The following UROS variants were observed in gnomAD, a reference collection of about 807,000 sequenced individuals.
The protein encoded by UROS is uroporphyrinogen III synthase.
UROS carries 18 observed loss-of-function variants against 33.0 expected under a neutral mutation model. The observed-to-expected ratio is 0.55, with a 90% CI of 0.38 to 0.81. UROS has a LOEUF of 0.81. Among genes scored for constraint, UROS ranks in the 30% least tolerant of loss-of-function variants. The pLI, the probability that UROS is intolerant of heterozygous loss-of-function variation, is 0.00. For missense variants in UROS, 293 were observed against 314.9 expected, an observed-to-expected ratio of 0.93 and a Z score of 0.53; for synonymous variants, 114 against 121.1, an observed-to-expected ratio of 0.94 and a Z score of 0.38.
At position 125,806,617 on chromosome 10, in the gene UROS, T is replaced by C. The variant is rs150074649; in HGVS notation, c.394+796A>G. 3.4e-3 allele frequency among the ~76,000 whole-genome samples: 520 copies of C among 152,344 alleles called. 4 individuals carry two copies. The highest frequency in any genetic ancestry group is 0.012 in the African/African-American group (500 of 41,578). On this transcript the variant is annotated intron_variant, in intron 6 of 9. Transcript: ENST00000368797. ...CCAAAATATCCTTAACAGATGAAGT[T>C]TGCCAGCTCATGATCTCTAGGAAAG...
At chr10:125,794,642 C>T (rs1331741983) in intron 9 of UROS, among the ~76,000 whole-genome samples, 1 of 152,118 alleles carries the variant, frequency 6.6e-6, no homozygotes, top group Non-Finnish European at 1.5e-5. Context: ...AGACCATACA[C>T]ATGTCTATGA....
At chr10:125,797,942 G>T in intron 7 of UROS, 123 bp downstream of exon 7, 1 of 1,148,578 alleles carries the variant, frequency 8.7e-7, no homozygotes, top group Non-Finnish European at 1.3e-6. Flanking sequence ...TCCTGGCCTG[G>T]CTTATCCAAC....
intron 1 of UROS, among the ~76,000 whole-genome samples, chr10:125,821,160 C>G (rs1315681661): frequency 6.6e-6 from 1 of 152,204 alleles, no homozygotes; most frequent in African/African-American, 2.4e-5. Flanking sequence ...GAATTGAAAG[C>G]AGGGACTCGA....
intron 6 of UROS, among the ~76,000 whole-genome samples, chr10:125,798,872 C>T (rs953992614): frequency 1.3e-5 from 2 of 152,194 alleles, no homozygotes; most frequent in Admixed American, 1.3e-4. Flanking sequence ...CAATTTGCAA[C>T]AATACTGTCC....
At position 125,798,208 on chromosome 10, in the gene UROS, G is replaced by A. The variant is rs868038468; in HGVS notation, c.395-63C>T. ...CCAGTGCCTGTGCACAGGGGAATGG[G>A]GAGGGGCAGCTTTGGGAAGGGGGAA... On this transcript the variant is annotated intron_variant, in intron 6 of 9. Transcript: ENST00000368797. 36 of 1,565,894 alleles carry A rather than the reference G, an allele frequency of 2.3e-5. 1 individual carries two copies. The Middle Eastern group carries it at 3.9e-3, about 169-fold the overall frequency.
chr10:125,794,237 G>C, intron 9 of UROS: 1 of 691,876 alleles, frequency 1.4e-6, no homozygotes, highest in Non-Finnish European at 1.8e-6. Context: ...TGGGAGAGCG[G>C]TGCATACTCC....
intron 6 of UROS, chr10:125,802,268 G>A (rs1391477248): frequency 2.0e-6 from 2 of 985,562 alleles, no homozygotes; most frequent in African/African-American, 3.5e-5. Context: ...CCATGGGGCT[G>A]GGGCCACATG....
rs116990417 is a variant in UROS at position 125,795,030 on chromosome 10, C to A, written c.562-52G>T. 6.3e-4 allele frequency: 956 copies of A among 1,518,838 alleles called. 12 individuals are homozygous for A. The East Asian group carries it at 0.019, about 31-fold the overall frequency. The allele number at this position is 1,518,838 out of a possible 1,614,324, so 94.1% of individuals were successfully genotyped here. ...TCCTTGCCATGAGACTGAGGAGAGACAACATTCCTCCGGCTTCATCCGCAT... is the reference window on the plus strand; with the variant it reads ...TCCTTGCCATGAGACTGAGGAGAGAAAACATTCCTCCGGCTTCATCCGCAT... On this transcript the variant is annotated intron_variant, in intron 8 of 9. Coordinates refer to ENST00000368797, the MANE Select transcript of UROS (RefSeq NM_000375.3).
chr10:125,807,722 T>C (rs1178011545), intron 5 of UROS, among the ~76,000 whole-genome samples: 3 of 152,090 alleles, frequency 2.0e-5, no homozygotes, highest in African/African-American at 7.2e-5. Context: ...TTAACTAGCT[T>C]CCCTGAGCCC....
At chr10:125,800,001 C>A (rs925362794) in intron 6 of UROS, among the ~76,000 whole-genome samples, 1 of 152,166 alleles carries the variant, frequency 6.6e-6, no homozygotes, top group Non-Finnish European at 1.5e-5. Flanking sequence ...AGGCTCTGCT[C>A]TCCGTTCGTT....
At chr10:125,799,948 G>T (rs1164002550) in intron 6 of UROS, among the ~76,000 whole-genome samples, 1 of 152,164 alleles carries the variant, frequency 6.6e-6, no homozygotes, top group Non-Finnish European at 1.5e-5. Flanking sequence ...AGGCCAATGG[G>T]ATGGTTAAGG....
intron 1 of UROS, among the ~76,000 whole-genome samples, chr10:125,822,569 C>T (rs1188099681): frequency 6.6e-6 from 1 of 152,124 alleles, no homozygotes; most frequent in Non-Finnish European, 1.5e-5. Flanking sequence ...GTGATCCACC[C>T]ATCTCGGCCT....
At chr10:125,818,273 A>C (rs922675504) in intron 1 of UROS, among the ~76,000 whole-genome samples, 2 of 152,140 alleles carry the variant, frequency 1.3e-5, no homozygotes, top group Non-Finnish European at 2.9e-5. Context: ...GCTTGAGAGC[A>C]GGAGTCCAAG....
chr10:125,797,710 A>G lies in UROS; in HGVS notation c.475+355T>C, dbSNP rs1212066149. The stretch of plus-strand genomic sequence containing the variant: ...TGCATGCTATTATAAGATCGGCTAC[A>G]TTTGTAGACTTTCTTCTACATGTGG... On this transcript the variant is annotated intron_variant, in intron 7 of 9. Coordinates refer to ENST00000368797, the MANE Select transcript of UROS (RefSeq NM_000375.3). 2.0e-5 allele frequency among the ~76,000 whole-genome samples: 3 copies of G among 152,326 alleles called. No homozygotes were observed. In the East Asian group the frequency reaches 5.8e-4, roughly 29 times the overall value.
chr10:125,797,970 T>C, intron 7 of UROS, 95 bp downstream of exon 7: 1 of 1,435,418 alleles, frequency 7.0e-7, no homozygotes, highest in Non-Finnish European at 9.8e-7. Context: ...TGCTCTCCCT[T>C]GTGTGCTCTC....
At chr10:125,817,318 T>C (rs1374316306) in intron 1 of UROS, among the ~76,000 whole-genome samples, 1 of 140,864 alleles carries the variant, frequency 7.1e-6, no homozygotes, top group African/African-American at 2.6e-5. Flanking sequence ...TCTACCTGCC[T>C]CGGCCTCCCA....
intron 6 of UROS, among the ~76,000 whole-genome samples, chr10:125,801,740 T>TA (rs1387518077): frequency 1.3e-5 from 2 of 152,242 alleles, no homozygotes; most frequent in Non-Finnish European, 2.9e-5. Flanking sequence ...TTCTCCCAGA[T>TA]AAGGTCAGAA....
At chr10:125,792,087 T>G (rs781380720) in intron 9 of UROS, 1 of 151,880 alleles carries the variant, frequency 6.6e-6, no homozygotes, top group Non-Finnish European at 1.5e-5. Context: ...AAAAAAAAAA[T>G]TTTTAAGTTT....
chr10:125,807,536 T>C (rs748296849), intron 5 of UROS, 49 bp from the exon 6 acceptor site: 13 of 1,461,760 alleles, frequency 8.9e-6, no homozygotes, highest in South Asian at 8.0e-5. Flanking sequence ...ATTGAAGTCC[T>C]TTTGTTCCAG....
Sources: gnomAD v4.1 joint callset for allele counts (sites outside exome capture counted in the v4.1 genomes callset) on GRCh38, gnomAD v4.1.1 for gene constraint, MANE v1.5 for transcripts, NCBI Gene and HGNC (gene_info 2026-07-23, HGNC 2026-07-21) for gene names.